The following DCLK2 variants were observed in gnomAD, a reference collection of about 807,000 sequenced individuals.
DCLK2 encodes doublecortin like kinase 2.
DCLK2 carries 31 observed loss-of-function variants against 78.4 expected under a neutral mutation model. That is an observed-to-expected ratio of 0.40 (90% CI 0.30 to 0.53). The LOEUF (loss-of-function observed/expected upper bound fraction) is 0.53. Ranked by LOEUF, DCLK2 falls within the 20% of genes least tolerant of loss-of-function variation. The pLI is 0.61. For missense variants in DCLK2, 872 were observed against 973.7 expected (o/e 0.90, Z 1.39); for synonymous variants, 407 against 374.9 (o/e 1.09, Z -0.99).
At chr4:150,222,934 A>G (rs1300667442) in intron 7 of DCLK2, among the ~76,000 whole-genome samples, 1 of 152,006 alleles carries the variant, frequency 6.6e-6, no homozygotes, top group African/African-American at 2.4e-5. Context: ...CAATATTCAA[A>G]CCAGAAAAGA....
At chr4:150,219,258 C>CTTTTTT (rs375592229) in intron 5 of DCLK2, among the ~76,000 whole-genome samples, 820 of 72,136 alleles carry the variant, frequency 0.011, 29 homozygotes, top group Non-Finnish European at 0.018. Flanking sequence ...CACAAACATT[C>CTTTTTT]TTTTTTTTTT....
At chr4:150,228,075 C>T (rs545530378) in intron 8 of DCLK2, among the ~76,000 whole-genome samples, 5 of 152,114 alleles carry the variant, frequency 3.3e-5, no homozygotes, top group Non-Finnish European at 5.9e-5. Context: ...TCTCTGCCTC[C>T]GTCTTCACGC....
chr4:150,185,953 T>C (rs1353184688), intron 2 of DCLK2, among the ~76,000 whole-genome samples: 1 of 152,226 alleles, frequency 6.6e-6, no homozygotes, highest in East Asian at 1.9e-4. Context: ...GATGGACTCC[T>C]GTAGATACGT....
chr4:150,221,637 C>G, intron 6 of DCLK2, 40 bp from the exon 7 acceptor site: 1 of 1,327,784 alleles, frequency 7.5e-7, no homozygotes, highest in Non-Finnish European at 1.1e-6. Flanking sequence ...GTATAAAATG[C>G]TGATGTTTTC....
chr4:150,214,953 C>CAAAAAAAAAAAAAAAAAAAA (rs60156550), intron 5 of DCLK2, among the ~76,000 whole-genome samples: 1 of 86,474 alleles, frequency 1.2e-5, no homozygotes. Flanking sequence ...CAGAGTGTCT[C>CAAAAAAAAAAAAAAAAAAAA]AAAAAAAAAA....
intron 7 of DCLK2, among the ~76,000 whole-genome samples, chr4:150,223,503 G>A (rs1351784163): frequency 6.6e-6 from 1 of 152,206 alleles, no homozygotes; most frequent in East Asian, 1.9e-4. Context: ...CAGCACTTTG[G>A]GAGGCCGAGG....
chr4:150,099,258 T>C (rs1730696550), intron 1 of DCLK2, among the ~76,000 whole-genome samples: 1 of 151,982 alleles, frequency 6.6e-6, no homozygotes, highest in Admixed American at 6.5e-5. Flanking sequence ...ATGGTCTCCC[T>C]GTGTTGCCCA....
intron 1 of DCLK2, 63 bp from the exon 2 acceptor site, chr4:150,102,415 T>C: frequency 6.5e-7 from 1 of 1,529,110 alleles, no homozygotes; most frequent in South Asian, 1.2e-5. Context: ...GCATCTGTTC[T>C]TTAGACCAAA....
intron 2 of DCLK2, among the ~76,000 whole-genome samples, chr4:150,177,884 G>T (rs1483029475): frequency 1.3e-5 from 2 of 152,138 alleles, no homozygotes; most frequent in East Asian, 1.9e-4. Flanking sequence ...TGACAGAATT[G>T]TCCTGGGTTG....
intron 3 of DCLK2, among the ~76,000 whole-genome samples, chr4:150,196,733 T>C (rs1292802752): frequency 6.6e-6 from 1 of 152,126 alleles, no homozygotes; most frequent in African/African-American, 2.4e-5. Flanking sequence ...CATAATTCAT[T>C]CAAAATCTAC....
intron 2 of DCLK2, among the ~76,000 whole-genome samples, chr4:150,140,634 C>T (rs1319157806): frequency 6.6e-6 from 1 of 152,204 alleles, no homozygotes; most frequent in Non-Finnish European, 1.5e-5. Flanking sequence ...TAGTGAGACA[C>T]CTACTATGTT....
Position 150,198,079 on chromosome 4 carries a change from C to T in DCLK2, c.937C>T (p.Arg313Ter), listed in dbSNP as rs199938113. The T allele has an allele frequency of 3.7e-6, 6 of 1,613,504 alleles. No individual in the cohort carries two copies. The highest frequency in any genetic ancestry group is 1.1e-5 in the South Asian group (1 of 90,960). Reference protein sequence around the residue: ...YSGSKSPGPSRRSKSPASVNG... With the variant: ...YSGSKSPGPS ...TGGATCCAAAAGCCCTGGGCCCTCT[C>T]GACGCAGCAAATCACCAGCTTCAGG... The change falls in exon 4 of 16, where the codon CGA (arginine) becomes TGA (stop). Residue 313 changes from arginine to a stop codon, truncating the protein, a stop_gained. Coordinates refer to ENST00000296550, the MANE Select transcript of DCLK2 (RefSeq NM_001040260.4). LOFTEE classifies it high-confidence loss of function.
chr4:150,247,847 G>T, intron 13 of DCLK2, 148 bp downstream of exon 13: 1 of 646,054 alleles, frequency 1.5e-6, no homozygotes, highest in Non-Finnish European at 2.6e-6. Context: ...CCCATGGTAT[G>T]GTCTCTGAAG....
chr4:150,220,768 AAGTC>A lies in DCLK2; in HGVS notation c.1123_1126del (p.Ser375LeufsTer4). 6.2e-7 allele frequency: 1 copy of A among 1,613,410 alleles called. No individual in the cohort carries two copies. Among genetic ancestry groups the A allele is most frequent in the Non-Finnish European group, 8.5e-7 (1 of 1,179,488 alleles). On this transcript the variant is annotated frameshift_variant, in exon 6 of 16. Transcript: ENST00000296550. LOFTEE classifies it high-confidence loss of function. ...GTGGACCTGAGCTTGACCGTTGCAT[AAGTC>A]CTGAAGGTAGTTCTCAGTCTGATCA...
intron 7 of DCLK2, among the ~76,000 whole-genome samples, chr4:150,223,497 A>C (rs1741351934): frequency 6.6e-6 from 1 of 152,210 alleles, no homozygotes; most frequent in South Asian, 2.1e-4. Context: ...TAATCCCAGC[A>C]CTTTGGGAGG....
chr4:150,104,198 G>GAATGA (rs1731076307), intron 2 of DCLK2, among the ~76,000 whole-genome samples: 1 of 151,796 alleles, frequency 6.6e-6, no homozygotes. Flanking sequence ...ATCCCCAAAT[G>GAATGA]AATGACATTC....
intron 2 of DCLK2, among the ~76,000 whole-genome samples, chr4:150,185,575 G>A (rs1390617134): frequency 1.3e-5 from 2 of 152,040 alleles, no homozygotes; most frequent in Non-Finnish European, 2.9e-5. Context: ...TTAGCCGGAC[G>A]TGGTGGTGGG....
At chr4:150,206,361 C>T (rs1739842295) in intron 5 of DCLK2, among the ~76,000 whole-genome samples, 1 of 151,900 alleles carries the variant, frequency 6.6e-6, no homozygotes, top group African/African-American at 2.4e-5. Context: ...TCAAGGATTA[C>T]TTATTCACAC....
intron 1 of DCLK2, among the ~76,000 whole-genome samples, chr4:150,089,456 T>C (rs10014161): frequency 0.38 from 58,016 of 152,006 alleles, 11,310 homozygotes; most frequent in Non-Finnish European, 0.42. Context: ...TACTATGCCC[T>C]GTTTATTTAC....
Sources: allele counts gnomAD v4.1 joint callset (sites outside exome capture counted in the v4.1 genomes callset), GRCh38; gene constraint gnomAD v4.1.1; transcripts MANE v1.5; gene names NCBI Gene and HGNC (gene_info 2026-07-23, HGNC 2026-07-21).